CES3: variants seen among roughly 807,000 people sequenced by gnomAD.
CES3 encodes carboxylesterase 3.
Under a neutral mutation model 57.6 loss-of-function variants are expected in CES3, and 49 were observed. That is an observed-to-expected ratio of 0.85 (90% CI 0.68 to 1.08). The LOEUF (loss-of-function observed/expected upper bound fraction) is 1.08. Among genes scored for constraint, CES3 ranks in the 50% least tolerant of loss-of-function variants. The pLI is 0.00. For synonymous variants in CES3, 266 were observed against 281.6 expected (o/e 0.94, Z 0.55); for missense variants, 645 against 742.0 (o/e 0.87, Z 1.52).
At chr16:66,964,858 C>T (rs888083849) in intron 6 of CES3, 131 bp downstream of exon 6, 7 of 653,152 alleles carry the variant, frequency 1.1e-5, no homozygotes, top group Middle Eastern at 2.5e-4. Flanking sequence ...CCCAATAAGA[C>T]GAAGGAGCAT....
At chr16:66,967,913 T>A in intron 8 of CES3, 1 of 272,488 alleles carries the variant, frequency 3.7e-6, no homozygotes, top group Non-Finnish European at 5.6e-6. Context: ...TGTGCCACCA[T>A]ACTCTGCTAA....
At chr16:66,969,387 C>T (rs964271759) in intron 8 of CES3, among the ~76,000 whole-genome samples, 4 of 152,180 alleles carry the variant, frequency 2.6e-5, no homozygotes, top group East Asian at 1.9e-4. Flanking sequence ...GCCTGGGCAA[C>T]GGAGTGAGTC....
chr16:66,971,054 C>T, intron 9 of CES3, 118 bp from the exon 10 acceptor site: 1 of 1,205,698 alleles, frequency 8.3e-7, no homozygotes, highest in Admixed American at 2.8e-5. Flanking sequence ...GCTGGCTGTC[C>T]CCTGGACCAT....
At chr16:66,972,325 G>A (rs751115714) in intron 10 of CES3, 31 bp from the exon 11 acceptor site, 3 of 1,546,220 alleles carry the variant, frequency 1.9e-6, no homozygotes, top group Non-Finnish European at 2.6e-6. Context: ...GGCCATGAGT[G>A]CCTAACTCCC....
Position 66,969,769 on chromosome 16 carries a change from G to C in CES3, c.1143+10G>C. On this transcript the variant is annotated intron_variant, in intron 9 of 12. Coordinates refer to ENST00000303334, the MANE Select transcript of CES3 (RefSeq NM_024922.6). ...CGTCTTGACCAGTCTGGTGAGACAA[G>C]AGGCAGGAGGGAGGAAGCTAGGGCA... 1.9e-6 allele frequency: 3 copies of C among 1,608,624 alleles called. No individual in the cohort carries two copies. The highest frequency in any genetic ancestry group is 3.3e-4 in the Middle Eastern group (2 of 6,058).
At chr16:66,962,983 T>C (rs1963671260) in intron 1 of CES3, 196 bp from the exon 2 acceptor site, 7 of 707,670 alleles carry the variant, frequency 9.9e-6, no homozygotes, top group Non-Finnish European at 1.8e-5. Flanking sequence ...TGGCCTGGAG[T>C]GGAGTGGTAG....
chr16:66,970,178 G>A (rs537993875), intron 9 of CES3, among the ~76,000 whole-genome samples: 1 of 148,332 alleles, frequency 6.7e-6, no homozygotes, highest in African/African-American at 2.5e-5. Context: ...GCCCGATCTC[G>A]GCTCACCGCA....
In CES3 at chr16:66,964,632, C is replaced by G; in HGVS notation, c.724C>G (p.Pro242Ala). Residue 242 changes from proline to alanine, a missense_variant, in exon 6 of 13, where the codon CCA becomes GCA. Physicochemically the swap from Pro to Ala is conservative, Grantham distance 27. Coordinates refer to ENST00000303334, the MANE Select transcript of CES3 (RefSeq NM_024922.6). ...GSIISGLVLS[P>A]VAAGLFHRAI... Reference sequence around the variant, plus strand: ...TCTCCAATGCACCCAGGTCCTGTCCCCAGTGGCTGCAGGGCTGTTCCACAG... The same window carrying G: ...TCTCCAATGCACCCAGGTCCTGTCCGCAGTGGCTGCAGGGCTGTTCCACAG... 1.2e-6 allele frequency: 2 copies of G among 1,613,974 alleles called. No homozygotes were observed. The highest frequency in any genetic ancestry group is 1.7e-6 in the Non-Finnish European group (2 of 1,179,926).
chr16:66,965,612 A>G (rs1377107658), intron 6 of CES3, among the ~76,000 whole-genome samples: 2 of 152,052 alleles, frequency 1.3e-5, no homozygotes, highest in African/African-American at 4.8e-5. Flanking sequence ...TCCCCATCCC[A>G]TCCTCTCCCC....
chr16:66,963,893 T>C lies in CES3; in HGVS notation c.518T>C (p.Val173Ala), dbSNP rs996928889. 1.2e-6 allele frequency: 2 copies of C among 1,614,046 alleles called. No homozygotes were observed. The highest frequency in any genetic ancestry group is 2.7e-5 in the African/African-American group (2 of 74,930). Residue 173 changes from valine to alanine, a missense_variant, in exon 4 of 13, where the codon GTG becomes GCG. By Grantham distance (64) the Val-to-Ala change is moderately conservative. Coordinates refer to ENST00000303334, the MANE Select transcript of CES3 (RefSeq NM_024922.6). The surrounding 1 kb of genome is among the most constrained non-coding windows in gnomAD (Gnocchi z 4.9). ...CTGGCTGCCTATGGGGATGTGGTCG[T>C]GGTTACAGTCCAGTACCGCCTTGGG... ...SALAAYGDVV[V>A]VTVQYRLGVL... is the part of the protein sequence containing the mutation.
chr16:66,969,126 C>G (rs1485544968), intron 8 of CES3, among the ~76,000 whole-genome samples: 2 of 152,214 alleles, frequency 1.3e-5, no homozygotes, highest in Admixed American at 1.3e-4. Flanking sequence ...GTGACTCAGG[C>G]TGGGCCCGGC....
At chr16:66,971,574 G>A (rs961039724) in intron 10 of CES3, among the ~76,000 whole-genome samples, 1 of 152,208 alleles carries the variant, frequency 6.6e-6, no homozygotes, top group African/African-American at 2.4e-5. Flanking sequence ...TCACCCAGCA[G>A]GGCCTATCAC....
Position 66,963,199 on chromosome 16 carries a change from G to C in CES3, c.103G>C (p.Glu35Gln). ...TATGPEVAQP[E>Q]VDTTLGRVRG... ...CTCAGGGCCCGAAGTTGCTCAGCCTGAAGTAGACACCACCCTGGGTCGTGT... is the reference window on the plus strand; with the variant it reads ...CTCAGGGCCCGAAGTTGCTCAGCCTCAAGTAGACACCACCCTGGGTCGTGT... The change falls in exon 2 of 13, where the codon GAA becomes CAA. Residue 35 changes from glutamate (E) to glutamine (Q), a missense_variant. Transcript: ENST00000303334. This position sits in a 1 kb window ranked among gnomAD's most constrained non-coding sequence, Gnocchi z 4.9. 6.2e-7 allele frequency: 1 copy of C among 1,614,270 alleles called. No homozygotes were observed. The highest frequency in any genetic ancestry group is 1.1e-5 in the South Asian group (1 of 91,086).
rs780463096 is a variant in CES3 at position 66,963,386 on chromosome 16, G to A, written c.287+3G>A. 1.9e-6 allele frequency: 3 copies of A among 1,612,972 alleles called. No homozygotes were observed. Among genetic ancestry groups the A allele is most frequent in the East Asian group, 2.2e-5 (1 of 44,874 alleles). On this transcript the variant is annotated splice_donor_region_variant and intron_variant, in intron 2 of 12. Transcript: ENST00000303334. This position sits in a 1 kb window ranked among gnomAD's most constrained non-coding sequence, Gnocchi z 4.9. ...GATGCCAGCACTGCGCCCCCAATGT[G>A]AGTAGTGCTGGTGGAGGCGGGCAAA...
Position 66,964,452 on chromosome 16 carries a change from A to G in CES3, c.656A>G (p.Asp219Gly). 2 of 1,613,772 alleles carry G rather than the reference A, an allele frequency of 1.2e-6. No homozygotes were observed. Among genetic ancestry groups the G allele is most frequent in the Non-Finnish European group, 1.7e-6 (2 of 1,179,902 alleles). The change falls in exon 5 of 13, where the codon GAC becomes GGC. Residue 219 changes from aspartate (D) to glycine (G), a missense_variant. Asp to Gly is a moderately conservative substitution (Grantham distance 94). Transcript: ENST00000303334. The part of the protein sequence containing the change: ...VQENIAPFGG[D>G]LNCVTVFGGS... The stretch of plus-strand genomic sequence containing the variant: ...GAAAACATCGCCCCCTTCGGGGGTG[A>G]CCTCAACTGTGTCACTGTCTTTGGT...
At chr16:66,964,037 G>T (rs1184916978) in intron 4 of CES3, 102 bp downstream of exon 4, 5 of 1,513,832 alleles carry the variant, frequency 3.3e-6, no homozygotes, top group Admixed American at 1.8e-5. Context: ...TGAAGGGAGG[G>T]CCCCTTACCC....
chr16:66,969,535 C>A, intron 8 of CES3, 144 bp from the exon 9 acceptor site: 1 of 699,260 alleles, frequency 1.4e-6, no homozygotes, highest in South Asian at 1.8e-5. Context: ...CTTTTTGGAT[C>A]TGTGGACTTT....
Position 66,966,825 on chromosome 16 carries a change from T to C in CES3, c.1022T>C (p.Met341Thr), listed in dbSNP as rs745959689. Residue 341 changes from methionine to threonine, a missense_variant, in exon 8 of 13, where the codon ATG becomes ACG. By Grantham distance (81) the Met-to-Thr change is moderately conservative. Transcript: ENST00000303334. The stretch of plus-strand genomic sequence containing the variant: ...CCCTTCCACTCTGTGCCCTTCCTCA[T>C]GGGTGTCAACAACCATGAGTTCAGC... The part of the protein sequence containing the change: ...EKPFHSVPFL[M>T]GVNNHEFSWL... 8 of 1,614,142 alleles carry C rather than the reference T, an allele frequency of 5.0e-6. No homozygotes were observed. Among genetic ancestry groups the C allele is most frequent in the Non-Finnish European group, 6.8e-6 (8 of 1,180,026 alleles).
chr16:66,964,508 C>T lies in CES3; in HGVS notation c.712C>T (p.Leu238=), dbSNP rs1963702291. 1.2e-6 allele frequency: 2 copies of T among 1,613,774 alleles called. No homozygotes were observed. The highest frequency in any genetic ancestry group is 1.3e-5 in the African/African-American group (1 of 74,934). Residue 238 remains leucine, a splice_region_variant and synonymous_variant, in exon 5 of 13, where the codon CTG becomes TTG. Transcript: ENST00000303334. ...GSAGGSIISG[L]VLSPVAAGLF... ...TGCCGGTGGGAGCATCATCTCTGGC[C>T]TGGTAAGTCACTATAGGGGGCTAGT...
Sources: gnomAD v4.1 joint callset for allele counts (sites outside exome capture counted in the v4.1 genomes callset) on GRCh38, gnomAD v4.1.1 for gene constraint, Gnocchi (gnomAD v3.1) non-coding constraint, MANE v1.5 for transcripts, NCBI Gene and HGNC (gene_info 2026-07-23, HGNC 2026-07-21) for gene names.